Variants in TBCK observed in about 807,000 individuals in gnomAD.
TBCK encodes the protein TBC domain-containing protein kinase-like protein.
A neutral mutation model predicts 113.4 loss-of-function variants in TBCK; 99 were observed. The ratio of observed to expected loss-of-function variants is 0.87; its 90% CI spans 0.74 to 1.03. TBCK has a LOEUF of 1.03. TBCK is among the 50% of genes least tolerant of loss of function. The pLI is 0.00. For missense variants in TBCK, 1,045 were observed against 1,061.3 expected, an observed-to-expected ratio of 0.98 and a Z score of 0.21; for synonymous variants, 369 against 370.8, an observed-to-expected ratio of 1.00 and a Z score of 0.05.
intron 24 of TBCK, among the ~76,000 whole-genome samples, chr4:106,113,638 T>C (rs1371947204): frequency 1.3e-5 from 2 of 152,180 alleles, no homozygotes; most frequent in Admixed American, 1.3e-4. Flanking sequence ...AATGACCCTA[T>C]AGGACCTACA....
intron 23 of TBCK, among the ~76,000 whole-genome samples, chr4:106,129,923 A>G (rs139643073): frequency 6.6e-5 from 10 of 152,294 alleles, no homozygotes; most frequent in Non-Finnish European, 1.2e-4. Context: ...TCATTCCCCT[A>G]GTATATTGGC....
intron 19 of TBCK, among the ~76,000 whole-genome samples, chr4:106,214,091 C>T (rs1324789546): frequency 2.0e-5 from 3 of 152,146 alleles, no homozygotes; most frequent in African/African-American, 7.2e-5. Context: ...CTGGGAGGCA[C>T]CCTCCAGCAG....
chr4:106,272,883 G>A (rs143173447), intron 3 of TBCK, among the ~76,000 whole-genome samples: 20 of 152,306 alleles, frequency 1.3e-4, no homozygotes, highest in Non-Finnish European at 2.4e-4. Context: ...GCGTGGGTAA[G>A]TACAGGGTAA....
At chr4:106,214,333 G>A (rs921842043) in intron 19 of TBCK, among the ~76,000 whole-genome samples, 8 of 151,864 alleles carry the variant, frequency 5.3e-5, no homozygotes, top group Non-Finnish European at 8.8e-5. Context: ...AAAGGAACGC[G>A]GCTCCTCACC....
At chr4:106,173,444 A>G (rs1751269544) in intron 22 of TBCK, among the ~76,000 whole-genome samples, 1 of 152,178 alleles carries the variant, frequency 6.6e-6, no homozygotes, top group Non-Finnish European at 1.5e-5. Context: ...TCCAAAGGAA[A>G]GGGTTTCAGT....
At chr4:106,107,929 G>A (rs1324586965) in intron 24 of TBCK, among the ~76,000 whole-genome samples, 1 of 152,138 alleles carries the variant, frequency 6.6e-6, no homozygotes, top group Non-Finnish European at 1.5e-5. Flanking sequence ...AATTAGAAAT[G>A]ACTAATGAAA....
chr4:106,303,236 G>A (rs1767138340), intron 2 of TBCK, among the ~76,000 whole-genome samples: 2 of 152,122 alleles, frequency 1.3e-5, no homozygotes, highest in South Asian at 4.1e-4. Context: ...ATTTTGAAAA[G>A]TCTAGTACCT....
At chr4:106,152,982 A>G (rs1014939475) in intron 23 of TBCK, among the ~76,000 whole-genome samples, 6 of 152,020 alleles carry the variant, frequency 3.9e-5, no homozygotes, top group Non-Finnish European at 8.8e-5. Flanking sequence ...CTGGCTAAAC[A>G]TTTGTTAATT....
intron 17 of TBCK, among the ~76,000 whole-genome samples, chr4:106,232,724 T>C (rs571336223): frequency 4.6e-5 from 7 of 152,136 alleles, no homozygotes; most frequent in African/African-American, 9.6e-5. Context: ...AATCAACTTG[T>C]ATATTAAATA....
At chr4:106,140,572 A>G (rs1472796498) in intron 23 of TBCK, among the ~76,000 whole-genome samples, 2 of 141,482 alleles carry the variant, frequency 1.4e-5, no homozygotes, top group Non-Finnish European at 3.2e-5. Flanking sequence ...AGTACTTATT[A>G]TTGTGTATCA....
chr4:106,046,539 A>G lies in TBCK; in HGVS notation c.*31T>C. On this transcript the variant is annotated 3_prime_UTR_variant, in exon 26 of 26. Transcript: ENST00000394708. ...ACTGTGCTGTTGGTGCTGATGCCAC[A>G]CTAAGTTTTGGCAGTCACACTCTTG... The G allele has an allele frequency of 3.2e-6, 4 of 1,245,218 alleles. No homozygotes were observed. Among genetic ancestry groups the G allele is most frequent in the African/African-American group, 1.5e-5 (1 of 67,496 alleles). The allele number at this position is 1,245,218 out of a possible 1,614,324, so 77.1% of individuals were successfully genotyped here.
At chr4:106,233,105 G>A (rs1162232493) in intron 16 of TBCK, 41 bp from the exon 17 acceptor site, 2 of 1,573,122 alleles carry the variant, frequency 1.3e-6, no homozygotes, top group East Asian at 2.3e-5. Context: ...CAGTAATTGT[G>A]TAATCAGCAA....
At chr4:106,131,967 T>G (rs903050022) in intron 23 of TBCK, among the ~76,000 whole-genome samples, 3 of 152,152 alleles carry the variant, frequency 2.0e-5, no homozygotes, top group Non-Finnish European at 2.9e-5. Context: ...TTGAACTTGA[T>G]AGAGATGATT....
chr4:106,125,727 G>A (rs1745123851), intron 23 of TBCK, among the ~76,000 whole-genome samples: 1 of 152,122 alleles, frequency 6.6e-6, no homozygotes, highest in South Asian at 2.1e-4. Context: ...GGGACATAGG[G>A]GGAGAGTGGT....
chr4:106,216,770 C>T (rs1043197460), intron 19 of TBCK, among the ~76,000 whole-genome samples: 5 of 151,552 alleles, frequency 3.3e-5, no homozygotes, highest in African/African-American at 9.7e-5. Context: ...GGATTCACAG[C>T]CGAATTCTAC....
chr4:106,218,510 A>C (rs1757262448), intron 19 of TBCK, among the ~76,000 whole-genome samples: 1 of 128,692 alleles, frequency 7.8e-6, no homozygotes, highest in Non-Finnish European at 1.6e-5. Context: ...AATGAACTCA[A>C]ACAAATTTAC....
At chr4:106,185,196 G>C (rs1318044816) in intron 22 of TBCK, among the ~76,000 whole-genome samples, 1 of 151,930 alleles carries the variant, frequency 6.6e-6, no homozygotes, top group Non-Finnish European at 1.5e-5. Flanking sequence ...GTGCTTTCTT[G>C]TAATAAAAAT....
chr4:106,259,415 A>G (rs746256633), intron 5 of TBCK, among the ~76,000 whole-genome samples: 1 of 151,902 alleles, frequency 6.6e-6, no homozygotes, highest in East Asian at 1.9e-4. Flanking sequence ...AAACAGTCAC[A>G]TTACAATTGA....
intron 22 of TBCK, among the ~76,000 whole-genome samples, chr4:106,176,145 T>A (rs1751640947): frequency 6.6e-6 from 1 of 152,154 alleles, no homozygotes; most frequent in South Asian, 2.1e-4. Context: ...TCAGAACATC[T>A]ACCAATTCGA....
Sources: gnomAD v4.1 joint callset for allele counts (sites outside exome capture counted in the v4.1 genomes callset) on GRCh38, gnomAD v4.1.1 for gene constraint, MANE v1.5 for transcripts, NCBI Gene and HGNC (gene_info 2026-07-23, HGNC 2026-07-21) for gene names.